Variants in TENT2 observed in about 807,000 individuals in gnomAD.
TENT2 encodes the protein poly(A) RNA polymerase GLD2.
TENT2 carries 44 observed loss-of-function variants against 72.2 expected under a neutral mutation model. The ratio of observed to expected loss-of-function variants is 0.61; its 90% CI spans 0.48 to 0.78. The LOEUF (loss-of-function observed/expected upper bound fraction) is 0.78. TENT2 is among the 30% of genes least tolerant of loss of function. The pLI is 0.00. For synonymous variants in TENT2, 212 were observed against 192.5 expected, an observed-to-expected ratio of 1.10 and a Z score of -0.84; for missense variants, 541 against 569.6, an observed-to-expected ratio of 0.95 and a Z score of 0.51.
chr5:79,667,570 A>G (rs1007706516), intron 11 of TENT2, among the ~76,000 whole-genome samples: 2 of 152,162 alleles, frequency 1.3e-5, no homozygotes, highest in Non-Finnish European at 2.9e-5. Flanking sequence ...GCTGTTAGAA[A>G]TGTAAGGGGA....
intron 12 of TENT2, among the ~76,000 whole-genome samples, chr5:79,675,328 T>C (rs1315326410): frequency 6.6e-6 from 1 of 152,230 alleles, no homozygotes; most frequent in East Asian, 1.9e-4. Context: ...TAAATGTAGC[T>C]GAATCAGTGT....
intron 3 of TENT2, among the ~76,000 whole-genome samples, chr5:79,621,316 T>C (rs1010024520): frequency 4.6e-5 from 7 of 152,226 alleles, no homozygotes; most frequent in Admixed American, 3.9e-4. Context: ...GTTGTATGTC[T>C]CTGAGTCATA....
At chr5:79,684,823 T>A (rs1484659292) in intron 14 of TENT2, among the ~76,000 whole-genome samples, 1 of 152,204 alleles carries the variant, frequency 6.6e-6, no homozygotes, top group Non-Finnish European at 1.5e-5. Flanking sequence ...GAAACAATAC[T>A]TACACTGTGT....
At chr5:79,665,006 A>G (rs1218739030) in intron 11 of TENT2, among the ~76,000 whole-genome samples, 14 of 152,168 alleles carry the variant, frequency 9.2e-5, no homozygotes, top group Admixed American at 7.9e-4. Context: ...TGATCTCACA[A>G]CTTGTAAAAT....
intron 11 of TENT2, among the ~76,000 whole-genome samples, chr5:79,662,683 TGTTGTCATCAAGGC>T (rs1247483206): frequency 2.0e-5 from 3 of 152,166 alleles, no homozygotes; most frequent in Non-Finnish European, 2.9e-5. Flanking sequence ...TAAAGAGATG[TGTTGTCATCAAGGC>T]TTTGTTTTTC....
intron 8 of TENT2, among the ~76,000 whole-genome samples, chr5:79,647,644 T>C (rs1790197187): frequency 6.6e-6 from 1 of 152,202 alleles, no homozygotes; most frequent in South Asian, 2.1e-4. Flanking sequence ...TCAAATTTTA[T>C]ACTTAAAAGC....
intron 13 of TENT2, among the ~76,000 whole-genome samples, chr5:79,681,149 G>GA (rs1821403279): frequency 1.3e-5 from 1 of 76,798 alleles, no homozygotes; most frequent in Non-Finnish European, 2.6e-5. Context: ...TCTTTTCTTT[G>GA]ATTTTTTTTT....
intron 10 of TENT2, 59 bp downstream of exon 10, chr5:79,649,249 T>G (rs1253115451): frequency 6.7e-7 from 1 of 1,491,718 alleles, no homozygotes; most frequent in Admixed American, 1.8e-5. Flanking sequence ...TATTATGGTG[T>G]CTTCTCTGTT....
Position 79,650,172 on chromosome 5 carries a change from A to G in TENT2, c.1027+982A>G, listed in dbSNP as rs1303188860. On this transcript the variant is annotated intron_variant, in intron 10 of 14. Coordinates refer to ENST00000453514, the MANE Select transcript of TENT2 (RefSeq NM_001114394.3). Reference sequence around the variant, plus strand: ...AGAGTCTTGGTTTCCAAAGATTACAATAATAGGAGAAAACATATTTTAGCA... The same window carrying G: ...AGAGTCTTGGTTTCCAAAGATTACAGTAATAGGAGAAAACATATTTTAGCA... Among the ~76,000 whole-genome samples, 4 of 152,236 alleles carry G rather than the reference A, an allele frequency of 2.6e-5. No homozygotes were observed. In the South Asian group the frequency reaches 6.2e-4, roughly 24 times the overall value.
chr5:79,677,764 T>C (rs368335842), intron 12 of TENT2, among the ~76,000 whole-genome samples: 2 of 152,162 alleles, frequency 1.3e-5, no homozygotes, highest in Non-Finnish European at 1.5e-5. Context: ...AAAGAAACAA[T>C]GTAAGAAAAT....
intron 11 of TENT2, among the ~76,000 whole-genome samples, chr5:79,664,484 A>G (rs1021090879): frequency 6.6e-6 from 1 of 151,146 alleles, no homozygotes; most frequent in African/African-American, 2.4e-5. Flanking sequence ...AGTCCCAGCT[A>G]CTCCGGAGGC....
chr5:79,653,957 A>G (rs987516440), intron 10 of TENT2, among the ~76,000 whole-genome samples: 3 of 152,192 alleles, frequency 2.0e-5, no homozygotes, highest in Admixed American at 6.5e-5. Context: ...ATGCTTTAAT[A>G]TCTTTTCTGC....
At chr5:79,635,863 T>G (rs1423382901) in intron 4 of TENT2, among the ~76,000 whole-genome samples, 1 of 152,134 alleles carries the variant, frequency 6.6e-6, no homozygotes, top group Non-Finnish European at 1.5e-5. Context: ...GCCAAGAAAT[T>G]TATTTTGCTA....
At chr5:79,665,486 T>C (rs959399277) in intron 11 of TENT2, among the ~76,000 whole-genome samples, 8 of 152,242 alleles carry the variant, frequency 5.3e-5, no homozygotes, top group African/African-American at 1.7e-4. Context: ...TTGCCATTAT[T>C]ATAGACAGTT....
intron 4 of TENT2, among the ~76,000 whole-genome samples, chr5:79,630,083 C>G (rs58202600): frequency 0.079 from 11,964 of 152,196 alleles, 768 homozygotes; most frequent in Admixed American, 0.17. Context: ...TGCAGTGAGC[C>G]AACATCGCGT....
intron 10 of TENT2, among the ~76,000 whole-genome samples, chr5:79,653,861 A>G (rs974966529): frequency 6.6e-6 from 1 of 152,192 alleles, no homozygotes; most frequent in Non-Finnish European, 1.5e-5. Flanking sequence ...GACTTTGGTG[A>G]AGTTATTGTA....
chr5:79,644,285 A>G (rs919381537), intron 7 of TENT2, among the ~76,000 whole-genome samples: 1 of 152,114 alleles, frequency 6.6e-6, no homozygotes, highest in African/African-American at 2.4e-5. Context: ...CCCAGCTGAT[A>G]TATATTCTGT....
At chr5:79,672,830 G>A (rs756944150) in intron 12 of TENT2, among the ~76,000 whole-genome samples, 3 of 152,204 alleles carry the variant, frequency 2.0e-5, no homozygotes, top group Non-Finnish European at 4.4e-5. Flanking sequence ...GCCTAGGAGT[G>A]GGATTGCTGG....
intron 12 of TENT2, among the ~76,000 whole-genome samples, chr5:79,676,990 G>A (rs1817785969): frequency 6.6e-6 from 1 of 152,100 alleles, no homozygotes; most frequent in African/African-American, 2.4e-5. Flanking sequence ...TTTGAGTCCA[G>A]GAGATTGAGG....
Sources: gnomAD v4.1 joint callset for allele counts (sites outside exome capture counted in the v4.1 genomes callset) on GRCh38, gnomAD v4.1.1 for gene constraint, MANE v1.5 for transcripts, NCBI Gene and HGNC (gene_info 2026-07-23, HGNC 2026-07-21) for gene names.